Variants in PDP2 observed in about 807,000 individuals in gnomAD.
PDP2 encodes the protein [Pyruvate dehydrogenase [acetyl-transferring]]-phosphatase 2, mitochondrial.
In PDP2, 23 loss-of-function variants were observed where a neutral mutation model predicts 34.2. The observed-to-expected ratio is 0.67, with a 90% CI of 0.48 to 0.95. The LOEUF (loss-of-function observed/expected upper bound fraction) is 0.95. Among genes scored for constraint, PDP2 ranks in the 40% least tolerant of loss-of-function variants. The pLI, the probability that PDP2 is intolerant of heterozygous loss-of-function variation, is 0.00. For synonymous variants in PDP2, 275 were observed against 269.2 expected (o/e 1.02, Z -0.21); for missense variants, 571 against 659.6 (o/e 0.87, Z 1.47).
Position 66,887,808 on chromosome 16 carries a change from C to G in PDP2, c.*1934C>G, listed in dbSNP as rs1961825869. 6.5e-6 allele frequency: 1 copy of G among 153,892 alleles called. No individual in the cohort carries two copies. The highest frequency in any genetic ancestry group is 1.5e-5 in the Non-Finnish European group (1 of 68,024). The allele number at this position is 153,892 out of a possible 1,614,324, so 9.5% of individuals were successfully genotyped here. On this transcript the variant is annotated 3_prime_UTR_variant, in exon 2 of 2. Transcript: ENST00000311765. ...TCTCTACTAAAAATACAAAATTAGC[C>G]AGGTGTGGTGGTGCATGCCTGTAAT... is the stretch of plus-strand genomic sequence containing the variant.
Position 66,885,427 on chromosome 16 carries a change from A to G in PDP2, c.1143A>G (p.Pro381=), listed in dbSNP as rs373862721. 4.3e-6 allele frequency: 7 copies of G among 1,613,610 alleles called. No individual in the cohort carries two copies. The highest frequency in any genetic ancestry group is 2.2e-5 in the South Asian group (2 of 91,082). Residue 381 remains proline (P), a synonymous_variant, in exon 2 of 2, where the codon CCA becomes CCG. Coordinates refer to ENST00000311765, the MANE Select transcript of PDP2 (RefSeq NM_020786.4). This position sits in a 1 kb window ranked among gnomAD's most constrained non-coding sequence, Gnocchi z 4.6. ...TCAACATTTACCAGTTCACACCCCC[A>G]CACTACTACACTCCACCCTACCTGA... The part of the protein sequence containing the change: ...EALNIYQFTP[P]HYYTPPYLTA...
chr16:66,887,723 C>T lies in PDP2; in HGVS notation c.*1849C>T, dbSNP rs1039765216. On this transcript the variant is annotated 3_prime_UTR_variant, in exon 2 of 2. Coordinates refer to ENST00000311765, the MANE Select transcript of PDP2 (RefSeq NM_020786.4). ...ATCCCAGCACTGTGGGAGGCCGAGG[C>T]GGATGGATCACCTGAGGTCGGGAAT... 7 of 166,548 alleles carry T rather than the reference C, an allele frequency of 4.2e-5. No individual in the cohort carries two copies. The highest frequency in any genetic ancestry group is 8.8e-5 in the Non-Finnish European group (6 of 68,120). The allele number at this position is 166,548 out of a possible 1,614,324, so 10.3% of individuals were successfully genotyped here.
chr16:66,884,879 A>G lies in PDP2; in HGVS notation c.595A>G (p.Lys199Glu), dbSNP rs1289910957. Residue 199 changes from lysine to glutamate, a missense_variant, in exon 2 of 2, where the codon AAG becomes GAG. Transcript: ENST00000311765. ...WLKHPGDSIY[K>E]DVTSVHLDHL... ...CAAGCACCCAGGGGACAGTATCTAC[A>G]AGGATGTCACATCTGTGCATCTTGA... 3.1e-6 allele frequency: 5 copies of G among 1,613,966 alleles called. No individual in the cohort carries two copies. The South Asian group carries it at 4.4e-5, about 14-fold the overall frequency.
intron 1 of PDP2, among the ~76,000 whole-genome samples, chr16:66,882,500 C>A (rs1961568454): frequency 6.6e-6 from 1 of 150,858 alleles, no homozygotes; most frequent in African/African-American, 2.5e-5. Flanking sequence ...GGGGTATATA[C>A]CTAATGATGA....
rs1961645104 is a variant in PDP2 at position 66,884,404 on chromosome 16, G to T, written c.120G>T (p.Arg40Ser). The T allele has an allele frequency of 6.2e-7, 1 of 1,613,950 alleles. No homozygotes were observed. Among genetic ancestry groups the T allele is most frequent in the African/African-American group, 1.3e-5 (1 of 74,880 alleles). Reference sequence around the variant, plus strand: ...CAAATAGGAATAAATTAAAATGGAGGCTCTTTTCCCGGGTGCCACCCACCC... The same window carrying T: ...CAAATAGGAATAAATTAAAATGGAGTCTCTTTTCCCGGGTGCCACCCACCC... ...YVSNRNKLKW[R>S]LFSRVPPTLN... is the part of the protein sequence containing the mutation. The change falls in exon 2 of 2, where the codon AGG becomes AGT. Residue 40 changes from arginine to serine, a missense_variant. By Grantham distance (110) the Arg-to-Ser change is moderately radical (BLOSUM62 -1). Around this residue, in one of 2 missense-constraint regions of PDP2, gnomAD observed 290 missense variants for 283.8 expected, o/e 1.02. Transcript: ENST00000311765.
chr16:66,881,528 C>T (rs1266819041), intron 1 of PDP2, among the ~76,000 whole-genome samples: 9 of 151,628 alleles, frequency 5.9e-5, no homozygotes, highest in Admixed American at 5.9e-4. Flanking sequence ...TCGTCACCCC[C>T]TTGAGGAGGC....
At position 66,889,094 on chromosome 16, in the gene PDP2, A is replaced by C. The variant is rs987833664; in HGVS notation, c.*3220A>C. On this transcript the variant is annotated 3_prime_UTR_variant, in exon 2 of 2. Transcript: ENST00000311765. ...CTGCCCCAGGACACTGGGATTTGAG[A>C]GGAGTTTAGTGGTAATTGTCAGGTC... The C allele has an allele frequency of 6.6e-6, 1 of 152,194 alleles. No individual in the cohort carries two copies. The highest frequency in any genetic ancestry group is 2.4e-5 in the African/African-American group (1 of 41,446). 9.4% of individuals were successfully genotyped at this position (152,194 alleles called of 1,614,324 possible). A position where few individuals can be genotyped will look rare whatever the true frequency, so the allele number is the denominator to read the frequency against.
At position 66,885,208 on chromosome 16, in the gene PDP2, C is replaced by T; in HGVS notation, c.924C>T (p.Asp308=). 1 of 1,614,036 alleles carries T rather than the reference C, an allele frequency of 6.2e-7. No individual in the cohort carries two copies. Among genetic ancestry groups the T allele is most frequent in the Non-Finnish European group, 8.5e-7 (1 of 1,180,042 alleles). The part of the protein sequence containing the change: ...GMWSCLPLTR[D]HNAWNQAELS... ...GGTCTTGTCTGCCCCTTACACGTGACCACAATGCCTGGAACCAGGCCGAGC... is the reference window on the plus strand; with the variant it reads ...GGTCTTGTCTGCCCCTTACACGTGATCACAATGCCTGGAACCAGGCCGAGC... Residue 308 remains aspartate, a synonymous_variant, in exon 2 of 2, where the codon GAC becomes GAT. Transcript: ENST00000311765. This position sits in a 1 kb window ranked among gnomAD's most constrained non-coding sequence, Gnocchi z 4.6.
rs2145415246 is a variant in PDP2 at position 66,884,723 on chromosome 16, G to A, written c.439G>A (p.Ala147Thr). Residue 147 changes from alanine (A) to threonine (T), a missense_variant, in exon 2 of 2, where the codon GCA (alanine) becomes ACA (threonine). Transcript: ENST00000311765. ...FGIFDGHGGH[A>T]CAQAVSERLF... The stretch of plus-strand genomic sequence containing the variant: ...CATCTTCGATGGACATGGTGGTCAT[G>A]CATGTGCCCAAGCAGTGAGCGAGAG... The A allele has an allele frequency of 1.2e-6, 2 of 1,614,232 alleles. No homozygotes were observed. The highest frequency in any genetic ancestry group is 2.2e-5 in the East Asian group (1 of 44,886).
chr16:66,885,353 A>G lies in PDP2; in HGVS notation c.1069A>G (p.Lys357Glu). The change falls in exon 2 of 2, where the codon AAA becomes GAA. Residue 357 changes from lysine (K) to glutamate (E), a missense_variant. Physicochemically the swap from Lys to Glu is moderately conservative, Grantham distance 56. Around this residue, in one of 2 missense-constraint regions of PDP2, gnomAD observed 281 missense variants for 375.8 expected, o/e 0.75. Transcript: ENST00000311765. The surrounding 1 kb of genome is among the most constrained non-coding windows in gnomAD (Gnocchi z 4.6). ...AFGDVQLKWS[K>E]ELQRSILERG... is the part of the protein sequence containing the mutation. Reference sequence around the variant, plus strand: ...TGGGGATGTTCAGCTGAAGTGGAGTAAAGAGTTGCAGCGCAGCATTCTGGA... The same window carrying G: ...TGGGGATGTTCAGCTGAAGTGGAGTGAAGAGTTGCAGCGCAGCATTCTGGA... The G allele has an allele frequency of 6.2e-7, 1 of 1,614,092 alleles. No individual in the cohort carries two copies.
Position 66,884,243 on chromosome 16 carries a change from C to T in PDP2, c.-42C>T, listed in dbSNP as rs1009466540. 1 of 1,434,026 alleles carries T rather than the reference C, an allele frequency of 7.0e-7. No individual in the cohort carries two copies. Among genetic ancestry groups the T allele is most frequent in the Non-Finnish European group, 9.3e-7 (1 of 1,071,670 alleles). 88.8% of individuals were successfully genotyped at this position (1,434,026 alleles called of 1,614,324 possible). A position where few individuals can be genotyped will look rare whatever the true frequency, so the allele number is the denominator to read the frequency against. On this transcript the variant is annotated 5_prime_UTR_variant, in exon 2 of 2. Coordinates refer to ENST00000311765, the MANE Select transcript of PDP2 (RefSeq NM_020786.4). ...TTTTAATTTTTAGGTTTAAAAATAT[C>T]CTTTTTTGCTGAAGGAACACATTTG...
In PDP2 at chr16:66,885,913, C is replaced by A; in HGVS notation, c.*39C>A. The A allele has an allele frequency of 1.3e-6, 2 of 1,544,518 alleles. No homozygotes were observed. The highest frequency in any genetic ancestry group is 1.8e-6 in the Non-Finnish European group (2 of 1,139,352). On this transcript the variant is annotated 3_prime_UTR_variant, in exon 2 of 2. Transcript: ENST00000311765. This position sits in a 1 kb window ranked among gnomAD's most constrained non-coding sequence, Gnocchi z 4.6. ...TATTGTCAAGGTTAACATAAATGCT[C>A]TTCTAAAATGTTTCACTTACTCCTA... is the stretch of plus-strand genomic sequence containing the variant.
Position 66,885,026 on chromosome 16 carries a change from G to GC in PDP2, c.748dup (p.Leu250ProfsTer4). The GC allele has an allele frequency of 1.2e-6, 2 of 1,613,518 alleles. No homozygotes were observed. Among genetic ancestry groups the GC allele is most frequent in the Non-Finnish European group, 1.7e-6 (2 of 1,179,846 alleles). On this transcript the variant is annotated frameshift_variant, in exon 2 of 2. Coordinates refer to ENST00000311765, the MANE Select transcript of PDP2 (RefSeq NM_020786.4). LOFTEE classifies it high-confidence loss of function. The surrounding 1 kb of genome is among the most constrained non-coding windows in gnomAD (Gnocchi z 4.6). ...TTCTGACATCTCGCTGGAAATCCAG[G>GC]CCCCCCTGGAAGATGAGGTGACAAG...
Position 66,885,841 on chromosome 16 carries a change from A to G in PDP2, c.1557A>G (p.Ser519=). The change falls in exon 2 of 2, where the codon TCA becomes TCG. Residue 519 remains serine (S), a synonymous_variant. Coordinates refer to ENST00000311765, the MANE Select transcript of PDP2 (RefSeq NM_020786.4). The surrounding 1 kb of genome is among the most constrained non-coding windows in gnomAD (Gnocchi z 4.6). ...DITVTVVYFN[S]ESIGAYYKGG is the part of the protein sequence containing the mutation. ...CTGTCACTGTGGTGTATTTTAACTC[A>G]GAATCAATCGGTGCATATTACAAGG... 1 of 1,610,484 alleles carries G rather than the reference A, an allele frequency of 6.2e-7. No individual in the cohort carries two copies. The highest frequency in any genetic ancestry group is 8.5e-7 in the Non-Finnish European group (1 of 1,177,762).
rs1380401097 is a variant in PDP2 at position 66,882,932 on chromosome 16, C to A, written c.-54-1299C>A. 2.0e-5 allele frequency: 3 copies of A among 150,960 alleles called. No individual in the cohort carries two copies. The East Asian group carries it at 5.9e-4, about 30-fold the overall frequency. The allele number at this position is 150,960 out of a possible 1,614,324, so 9.4% of individuals were successfully genotyped here. ...TCTTGACCTCCAGGGCTTAAGCAAT[C>A]CTCTCACCTCAGCCTTACAAGTGAA... On this transcript the variant is annotated intron_variant, in intron 1 of 1. Coordinates refer to ENST00000311765, the MANE Select transcript of PDP2 (RefSeq NM_020786.4).
rs1235270236 is a variant in PDP2, at chr16:66,885,844, A to C, written c.1560A>C (p.Glu520Asp). The C allele has an allele frequency of 1.1e-5, 18 of 1,610,114 alleles. No individual in the cohort carries two copies. Among genetic ancestry groups the C allele is most frequent in the Admixed American group, 8.3e-5 (5 of 59,938 alleles). Residue 520 changes from glutamate to aspartate, a missense_variant, in exon 2 of 2, where the codon GAA (glutamate) becomes GAC (aspartate). This residue lies in a region of PDP2 where 281 missense variants were observed against 375.8 expected (regional missense o/e 0.75). Coordinates refer to ENST00000311765, the MANE Select transcript of PDP2 (RefSeq NM_020786.4). The surrounding 1 kb of genome is among the most constrained non-coding windows in gnomAD (Gnocchi z 4.6). ...ITVTVVYFNS[E>D]SIGAYYKGG ...TCACTGTGGTGTATTTTAACTCAGA[A>C]TCAATCGGTGCATATTACAAGGGGG... is the stretch of plus-strand genomic sequence containing the variant.
chr16:66,883,475 G>T (rs1475021394), intron 1 of PDP2, among the ~76,000 whole-genome samples: 1 of 151,872 alleles, frequency 6.6e-6, no homozygotes, highest in African/African-American at 2.4e-5. Context: ...CCTCTCTAGT[G>T]AGGCCCAGGC....
rs1567519084 is a variant in PDP2 at position 66,886,085 on chromosome 16, T to TA, written c.*212dup. On this transcript the variant is annotated 3_prime_UTR_variant, in exon 2 of 2. Transcript: ENST00000311765. ...GTCCCTGTATGTTCTGATTAAGTCT[T>TA]ATATGCAGAGAGGACAGAGCATAAA... The TA allele has an allele frequency of 5.3e-6, 3 of 569,290 alleles. No homozygotes were observed. The African/African-American group carries it at 5.7e-5, about 11-fold the overall frequency. The allele number at this position is 569,290 out of a possible 1,614,324, so 35.3% of individuals were successfully genotyped here.
In PDP2 at chr16:66,881,426, TTTTTTAA is replaced by T. The variant is rs1456226474; in HGVS notation, c.-55+790_-55+796del. On this transcript the variant is annotated intron_variant, in intron 1 of 1. Transcript: ENST00000311765. ...GGTCAAGGTTTTGTTCTGTTTTTTT[TTTTTTAA>T]TTTAATTTAATTTAATTTAATTTAA... 3.0e-3 allele frequency among the ~76,000 whole-genome samples: 405 copies of T among 133,150 alleles called. 3 individuals carry two copies. Among genetic ancestry groups the T allele is most frequent in the African/African-American group, 0.013 (360 of 27,766 alleles). 87.4% of individuals were successfully genotyped at this position (133,150 alleles called of 152,430 possible).
Sources: allele counts gnomAD v4.1 joint callset (sites outside exome capture counted in the v4.1 genomes callset), GRCh38; gene constraint gnomAD v4.1.1; regional missense constraint gnomAD v4.1.1; non-coding constraint Gnocchi (gnomAD v3.1); transcripts MANE v1.5; gene names NCBI Gene and HGNC (gene_info 2026-07-23, HGNC 2026-07-21).